The following NOL4 variants were observed in gnomAD, a reference collection of about 807,000 sequenced individuals.
NOL4 encodes the protein cancer/testis antigen 125.
NOL4 carries 17 observed loss-of-function variants against 75.9 expected under a neutral mutation model. The ratio of observed to expected loss-of-function variants is 0.22; its 90% CI spans 0.15 to 0.34. The LOEUF (loss-of-function observed/expected upper bound fraction) is 0.34. NOL4 is among the 10% of genes least tolerant of loss of function. The pLI, the probability that NOL4 is intolerant of heterozygous loss-of-function variation, is 1.00. For missense variants in NOL4, 614 were observed against 793.5 expected (o/e 0.77, Z 2.72); for synonymous variants, 292 against 289.9 (o/e 1.01, Z -0.07).
At chr18:33,981,095 G>A (rs1440917587) in intron 6 of NOL4, among the ~76,000 whole-genome samples, 1 of 151,896 alleles carries the variant, frequency 6.6e-6, no homozygotes, top group Non-Finnish European at 1.5e-5. Flanking sequence ...TAGTAGACTG[G>A]ACATGGCTGT....
intron 5 of NOL4, among the ~76,000 whole-genome samples, chr18:34,035,454 T>C (rs915501771): frequency 5.0e-4 from 76 of 152,006 alleles, no homozygotes; most frequent in Non-Finnish European, 7.1e-4. Context: ...TCATGGTACA[T>C]AGCAAAAACA....
intron 1 of NOL4, among the ~76,000 whole-genome samples, chr18:34,193,265 C>T (rs2035055641): frequency 6.6e-6 from 1 of 152,010 alleles, no homozygotes; most frequent in Non-Finnish European, 1.5e-5. Flanking sequence ...GATGGAATAA[C>T]ATCTAACTGA....
At chr18:34,165,544 A>T (rs1224459810) in intron 1 of NOL4, among the ~76,000 whole-genome samples, 1 of 152,168 alleles carries the variant, frequency 6.6e-6, no homozygotes, top group Non-Finnish European at 1.5e-5. Context: ...GTGCTGCTTT[A>T]TTTCTGTCAA....
chr18:34,076,349 A>G (rs542427950), intron 5 of NOL4, among the ~76,000 whole-genome samples: 3 of 152,292 alleles, frequency 2.0e-5, no homozygotes, highest in African/African-American at 7.2e-5. Flanking sequence ...AGGAGGAACC[A>G]TTTCTGACAT....
rs548346629 is a variant in NOL4 at position 34,018,484 on chromosome 18, T to C, written c.1056+834A>G. Among the ~76,000 whole-genome samples the C allele has an allele frequency of 2.0e-5, 3 of 152,240 alleles. No homozygotes were observed. In the South Asian group the frequency reaches 6.2e-4, roughly 32 times the overall value. ...TTAATCCAGATTAAGACATTTTGCTTTAAGGATCTATGTCAAAAAACAAGT... is the reference window on the plus strand; with the variant it reads ...TTAATCCAGATTAAGACATTTTGCTCTAAGGATCTATGTCAAAAAACAAGT... On this transcript the variant is annotated intron_variant, in intron 6 of 10. Transcript: ENST00000261592.
At chr18:33,988,529 A>G (rs551952543) in intron 6 of NOL4, among the ~76,000 whole-genome samples, 2 of 152,188 alleles carry the variant, frequency 1.3e-5, no homozygotes, top group East Asian at 3.9e-4. Context: ...TACTCTCCTC[A>G]TGGGCATGAG....
At chr18:34,012,411 A>G (rs1047364057) in intron 6 of NOL4, among the ~76,000 whole-genome samples, 36 of 152,044 alleles carry the variant, frequency 2.4e-4, no homozygotes, top group African/African-American at 7.9e-4. Context: ...TTTTTAAAAA[A>G]TCTACTAAGA....
intron 4 of NOL4, among the ~76,000 whole-genome samples, chr18:34,098,179 TC>T (rs758052489): frequency 3.9e-5 from 6 of 152,096 alleles, no homozygotes; most frequent in Non-Finnish European, 8.8e-5. Flanking sequence ...TTCTCTCTCC[TC>T]CCCTTGAAAC....
At chr18:33,860,570 T>C (rs945184276) in intron 10 of NOL4, among the ~76,000 whole-genome samples, 6 of 152,140 alleles carry the variant, frequency 3.9e-5, no homozygotes, top group Admixed American at 1.3e-4. Context: ...AGAATCATGT[T>C]GTCTGCAAAC....
intron 1 of NOL4, chr18:34,222,012 G>A: frequency 6.5e-7 from 1 of 1,534,554 alleles, no homozygotes; most frequent in Non-Finnish European, 8.7e-7. Flanking sequence ...CTCCAGGCGA[G>A]TACCCACCGT....
intron 4 of NOL4, among the ~76,000 whole-genome samples, chr18:34,095,105 C>T (rs2078710253): frequency 6.6e-6 from 1 of 152,086 alleles, no homozygotes; most frequent in Admixed American, 6.6e-5. Flanking sequence ...CATGCTTGGG[C>T]ACACTGAGTA....
intron 9 of NOL4, among the ~76,000 whole-genome samples, chr18:33,907,251 A>G (rs1249259593): frequency 1.4e-5 from 2 of 139,266 alleles, no homozygotes; most frequent in Non-Finnish European, 3.1e-5. Flanking sequence ...TGAACCTGGG[A>G]GGTGGAGCTT....
chr18:33,858,634 C>T (rs1456486289), intron 10 of NOL4, among the ~76,000 whole-genome samples: 5 of 151,982 alleles, frequency 3.3e-5, no homozygotes, highest in African/African-American at 9.7e-5. Context: ...CTATAATTTG[C>T]CTTTCTAATA....
chr18:34,164,296 G>T (rs572884915), intron 1 of NOL4, among the ~76,000 whole-genome samples: 1 of 151,998 alleles, frequency 6.6e-6, no homozygotes, highest in South Asian at 2.1e-4. Context: ...CCATCAGAGT[G>T]AACAGGCAAC....
intron 1 of NOL4, among the ~76,000 whole-genome samples, chr18:34,186,445 G>A (rs1286670966): frequency 6.6e-6 from 1 of 152,154 alleles, no homozygotes; most frequent in Non-Finnish European, 1.5e-5. Flanking sequence ...TATCCTACCT[G>A]TAAGCCTCCT....
chr18:33,906,129 C>T (rs148626291), intron 9 of NOL4, among the ~76,000 whole-genome samples: 1 of 152,284 alleles, frequency 6.6e-6, no homozygotes, highest in African/African-American at 2.4e-5. Context: ...AAGCAAATAA[C>T]AGTTCCTTAT....
intron 9 of NOL4, among the ~76,000 whole-genome samples, chr18:33,926,358 C>CA (rs67803985): frequency 0.012 from 563 of 46,546 alleles, 49 homozygotes; most frequent in East Asian, 0.06. Context: ...GACTCCATCT[C>CA]AAAAAAAAAA....
intron 1 of NOL4, among the ~76,000 whole-genome samples, chr18:34,171,818 A>T (rs1393668956): frequency 6.6e-6 from 1 of 152,168 alleles, no homozygotes; most frequent in Non-Finnish European, 1.5e-5. Flanking sequence ...GTAGTATTCT[A>T]AGTCACTATT....
rs191926243 is a variant in NOL4, at chr18:33,982,651, C to T, written c.1057-24233G>A. ...AAATGTTAGAAATGGACATATCCAACAGGCAGAAAATCAGTAAGGACACAA... is the reference window on the plus strand; with the variant it reads ...AAATGTTAGAAATGGACATATCCAATAGGCAGAAAATCAGTAAGGACACAA... On this transcript the variant is annotated intron_variant, in intron 6 of 10. Transcript: ENST00000261592. 1.2e-3 allele frequency among the ~76,000 whole-genome samples: 177 copies of T among 150,636 alleles called. 1 individual carries two copies. Among genetic ancestry groups the T allele is most frequent in the African/African-American group, 4.1e-3 (167 of 41,030 alleles).
Sources: allele counts gnomAD v4.1 joint callset (sites outside exome capture counted in the v4.1 genomes callset), GRCh38; gene constraint gnomAD v4.1.1; transcripts MANE v1.5; gene names NCBI Gene and HGNC (gene_info 2026-07-23, HGNC 2026-07-21).